FBXW2: variants seen among roughly 807,000 people sequenced by gnomAD.
The protein encoded by FBXW2 is F-box and WD repeat domain containing 2.
A neutral mutation model predicts 46.0 loss-of-function variants in FBXW2; 12 were observed. The observed-to-expected ratio is 0.26, with a 90% CI of 0.17 to 0.42. The LOEUF is 0.42. Among genes scored for constraint, FBXW2 ranks in the 10% least tolerant of loss-of-function variants. The pLI is 1.00. For missense variants in FBXW2, 360 were observed against 537.0 expected (o/e 0.67, Z 3.26); for synonymous variants, 203 against 209.6 (o/e 0.97, Z 0.27).
intron 7 of FBXW2, among the ~76,000 whole-genome samples, chr9:120,766,709 C>T (rs2044282501): frequency 6.6e-6 from 1 of 152,208 alleles, no homozygotes; most frequent in Admixed American, 6.5e-5. Flanking sequence ...TTCCACCCGC[C>T]TCAGCCTCCC....
intron 7 of FBXW2, among the ~76,000 whole-genome samples, chr9:120,766,429 G>A (rs1007821650): frequency 6.6e-6 from 1 of 152,060 alleles, no homozygotes; most frequent in East Asian, 1.9e-4. Flanking sequence ...GCAAGGCACC[G>A]AACTTCATAA....
intron 3 of FBXW2, among the ~76,000 whole-genome samples, chr9:120,780,405 C>T (rs1417932687): frequency 6.6e-6 from 1 of 151,336 alleles, no homozygotes; most frequent in African/African-American, 2.4e-5. Context: ...GTGTTTAACT[C>T]AGTATGTCAA....
At chr9:120,765,179 C>T (rs927679204) in intron 7 of FBXW2, among the ~76,000 whole-genome samples, 28 of 151,602 alleles carry the variant, frequency 1.8e-4, no homozygotes, top group Non-Finnish European at 3.4e-4. Context: ...ACTGCATCCT[C>T]CACCTCCCAG....
In FBXW2 at chr9:120,778,464, G is replaced by A. The variant is rs1048562426; in HGVS notation, c.572C>T (p.Ala191Val). Residue 191 changes from alanine (A) to valine (V), a missense_variant, in exon 4 of 8, where the codon GCG becomes GTG. Transcript: ENST00000608872. ...VYGIQTHTCA[A>V]VKFDEQKLVT... ...AAGCTTCTGTTCATCAAACTTCACC[G>A]CTGCACAAGTGTGGGTCTGGATGCC... 25 of 1,613,878 alleles carry A rather than the reference G, an allele frequency of 1.5e-5. No homozygotes were observed. Among genetic ancestry groups the A allele is most frequent in the Non-Finnish European group, 1.8e-5 (21 of 1,179,996 alleles).
At chr9:120,770,913 G>C (rs146599850) in intron 7 of FBXW2, among the ~76,000 whole-genome samples, 1 of 152,234 alleles carries the variant, frequency 6.6e-6, no homozygotes, top group East Asian at 1.9e-4. Flanking sequence ...CTAAGTCTCT[G>C]TCTTTCTACT....
chr9:120,759,414 G>A lies in FBXW2; in HGVS notation c.*5145C>T, dbSNP rs1463043111. On this transcript the variant is annotated 3_prime_UTR_variant, in exon 8 of 8. Coordinates refer to ENST00000608872, the MANE Select transcript of FBXW2 (RefSeq NM_012164.4). ...TTGTTCCACAATCACCCCACTATTT[G>A]CTTAAGCAACCTCTTCTTCCCCCTA... The A allele has an allele frequency of 1.3e-5, 2 of 152,134 alleles. No individual in the cohort carries two copies. The highest frequency in any genetic ancestry group is 2.9e-5 in the Non-Finnish European group (2 of 68,004). The allele number at this position is 152,134 out of a possible 1,614,324, so 9.4% of individuals were successfully genotyped here. A position where few individuals can be genotyped will look rare whatever the true frequency, so the allele number is the denominator to read the frequency against.
intron 3 of FBXW2, among the ~76,000 whole-genome samples, chr9:120,786,679 A>G (rs1406899865): frequency 6.6e-6 from 1 of 152,210 alleles, no homozygotes; most frequent in Non-Finnish European, 1.5e-5. Flanking sequence ...AACACCAAGT[A>G]TTTCTATATA....
intron 3 of FBXW2, among the ~76,000 whole-genome samples, chr9:120,782,738 A>G (rs1420023298): frequency 6.6e-6 from 1 of 152,116 alleles, no homozygotes; most frequent in East Asian, 1.9e-4. Flanking sequence ...GCTACTTGGG[A>G]GGCCAAAGTG....
At position 120,791,801 on chromosome 9, in the gene FBXW2, C is replaced by T. The variant is rs533923921; in HGVS notation, c.-21+1348G>A. ...TTTCCCAGTAGGTGCCTTATTCTACCCACATTCCCTGCTGTTTGGCCCCCT... is the reference window on the plus strand; with the variant it reads ...TTTCCCAGTAGGTGCCTTATTCTACTCACATTCCCTGCTGTTTGGCCCCCT... On this transcript the variant is annotated intron_variant, in intron 2 of 7. Coordinates refer to ENST00000608872, the MANE Select transcript of FBXW2 (RefSeq NM_012164.4). Among the ~76,000 whole-genome samples, 10 of 152,196 alleles carry T rather than the reference C, an allele frequency of 6.6e-5. No homozygotes were observed. The East Asian group carries it at 1.7e-3, about 26-fold the overall frequency.
intron 7 of FBXW2, among the ~76,000 whole-genome samples, chr9:120,768,924 C>T (rs190204761): frequency 6.6e-6 from 1 of 152,264 alleles, no homozygotes; most frequent in African/African-American, 2.4e-5. Flanking sequence ...TAGGTGGCTA[C>T]CGGGTTAGGG....
intron 2 of FBXW2, 112 bp downstream of exon 2, chr9:120,793,037 G>A (rs2044885507): frequency 7.7e-7 from 1 of 1,306,404 alleles, no homozygotes; most frequent in East Asian, 2.5e-5. Flanking sequence ...GAGGCAGTAG[G>A]AGGCAGTAAC....
At chr9:120,768,950 G>C (rs2044323729) in intron 7 of FBXW2, among the ~76,000 whole-genome samples, 1 of 152,214 alleles carries the variant, frequency 6.6e-6, no homozygotes, top group South Asian at 2.1e-4. Flanking sequence ...GATCTGTGAA[G>C]ATGAGCTGAT....
At chr9:120,776,457 G>C (rs989836086) in intron 4 of FBXW2, 1 of 484,260 alleles carries the variant, frequency 2.1e-6, no homozygotes, top group Non-Finnish European at 3.6e-6. Flanking sequence ...TCTTTTATTT[G>C]TGGTAGCTAC....
At chr9:120,768,489 G>T (rs1278630131) in intron 7 of FBXW2, among the ~76,000 whole-genome samples, 1 of 152,184 alleles carries the variant, frequency 6.6e-6, no homozygotes, top group Non-Finnish European at 1.5e-5. Flanking sequence ...AAGTAGTGGT[G>T]AAATAAACAA....
intron 5 of FBXW2, among the ~76,000 whole-genome samples, chr9:120,773,945 C>CT (rs1432768894): frequency 1.3e-5 from 2 of 152,176 alleles, no homozygotes; most frequent in Admixed American, 1.3e-4. Flanking sequence ...AATCCCAGCA[C>CT]TTTGAGAGGC....
At chr9:120,777,461 G>GGAGTTTA (rs1311074154) in intron 4 of FBXW2, among the ~76,000 whole-genome samples, 1 of 152,228 alleles carries the variant, frequency 6.6e-6, no homozygotes, top group East Asian at 1.9e-4. Flanking sequence ...CTGTCCTTAT[G>GGAGTTTA]GAGTTTAGTC....
intron 3 of FBXW2, among the ~76,000 whole-genome samples, chr9:120,784,386 C>T (rs1007236511): frequency 6.6e-6 from 1 of 151,992 alleles, no homozygotes. Flanking sequence ...CTGAGACGGG[C>T]GGAGTGCTTG....
chr9:120,774,940 C>G (rs2044460412), intron 5 of FBXW2, among the ~76,000 whole-genome samples: 1 of 152,160 alleles, frequency 6.6e-6, no homozygotes, highest in Non-Finnish European at 1.5e-5. Context: ...CCGCTGGGCC[C>G]GTGCATGTAT....
rs549746502 is a variant in FBXW2, at chr9:120,765,422, A to T, written c.1077-575T>A. Among the ~76,000 whole-genome samples, 9 of 152,328 alleles carry T rather than the reference A, an allele frequency of 5.9e-5. No individual in the cohort carries two copies. The East Asian group carries it at 1.5e-3, about 26-fold the overall frequency. ...ATGAAAGTTTATAAAAGTACAAAAC[A>T]TCTATCCAGGCTAGAAAGGATCTTA... On this transcript the variant is annotated intron_variant, in intron 7 of 7. Transcript: ENST00000608872.
Sources: allele counts gnomAD v4.1 joint callset (sites outside exome capture counted in the v4.1 genomes callset), GRCh38; gene constraint gnomAD v4.1.1; transcripts MANE v1.5; gene names NCBI Gene and HGNC (gene_info 2026-07-23, HGNC 2026-07-21).